Variants in AGO3 observed in about 807,000 individuals in gnomAD.
The protein encoded by AGO3 is argonaute RISC catalytic component 3.
A neutral mutation model predicts 105.5 loss-of-function variants in AGO3; 16 were observed. The observed-to-expected ratio is 0.15, with a 90% CI of 0.10 to 0.23. AGO3 has a LOEUF of 0.23. Among genes scored for constraint, AGO3 ranks in the 10% least tolerant of loss-of-function variants. The probability of loss-of-function intolerance (pLI) is 1.00; values close to 1 mark genes in which losing one functional copy is unlikely to be tolerated. For synonymous variants in AGO3, 340 were observed against 367.3 expected, an observed-to-expected ratio of 0.93 and a Z score of 0.85; for missense variants, 534 against 1,088.0, an observed-to-expected ratio of 0.49 and a Z score of 7.16.
intron 2 of AGO3, among the ~76,000 whole-genome samples, chr1:35,955,590 CTT>C (rs748373778): frequency 2.4e-4 from 34 of 139,176 alleles, no homozygotes; most frequent in Admixed American, 2.2e-4. Context: ...ACACTGTTAA[CTT>C]TTTTTTTTTT....
At position 36,029,395 on chromosome 1, in the gene AGO3, T is replaced by C. The variant is rs188354831; in HGVS notation, c.1591+2097T>C. On this transcript the variant is annotated intron_variant, in intron 12 of 18. Coordinates refer to ENST00000373191, the MANE Select transcript of AGO3 (RefSeq NM_024852.4). ...CATTAAATTTTCTCTTTCTTTCTTTTTTTTTTTTTTTTTTTTTGAGAGAGA... is the reference window on the plus strand; with the variant it reads ...CATTAAATTTTCTCTTTCTTTCTTTCTTTTTTTTTTTTTTTTTGAGAGAGA... 7.2e-3 allele frequency among the ~76,000 whole-genome samples: 1,035 copies of C among 143,512 alleles called. 2 individuals carry two copies. Among genetic ancestry groups the C allele is most frequent in the Non-Finnish European group, 0.011 (725 of 65,346 alleles). The allele number at this position is 143,512 out of a possible 152,430, so 94.1% of individuals were successfully genotyped here.
chr1:36,049,389 G>A (rs927704088), intron 17 of AGO3, among the ~76,000 whole-genome samples: 1 of 151,830 alleles, frequency 6.6e-6, no homozygotes, highest in Non-Finnish European at 1.5e-5. Context: ...ATGGTGGCAC[G>A]CACCTGTAGT....
chr1:35,990,210 G>A (rs1451060973), intron 5 of AGO3, among the ~76,000 whole-genome samples: 4 of 152,068 alleles, frequency 2.6e-5, no homozygotes, highest in Non-Finnish European at 4.4e-5. Flanking sequence ...AGACACATTA[G>A]TTAAATTTAT....
chr1:35,978,177 T>A (rs682686), intron 5 of AGO3, among the ~76,000 whole-genome samples: 35,990 of 152,054 alleles, frequency 0.24, 7,033 homozygotes, highest in East Asian at 0.69. Context: ...TTTCTAGAGA[T>A]GTAAGGTACC....
intron 5 of AGO3, among the ~76,000 whole-genome samples, chr1:35,977,747 A>G (rs959395806): frequency 1.3e-5 from 2 of 151,620 alleles, no homozygotes; most frequent in Non-Finnish European, 2.9e-5. Flanking sequence ...CCAGTCTGTT[A>G]TTTTGCATAT....
At chr1:35,993,067 A>G (rs1224602138) in intron 5 of AGO3, among the ~76,000 whole-genome samples, 2 of 152,226 alleles carry the variant, frequency 1.3e-5, no homozygotes, top group East Asian at 1.9e-4. Context: ...AAGACCTAGC[A>G]TTGAAAGTTA....
At position 36,039,547 on chromosome 1, in the gene AGO3, A is replaced by G. The variant is rs183201130; in HGVS notation, c.1843-243A>G. On this transcript the variant is annotated intron_variant, in intron 14 of 18. Coordinates refer to ENST00000373191, the MANE Select transcript of AGO3 (RefSeq NM_024852.4). The stretch of plus-strand genomic sequence containing the variant: ...AAAGAGAGAGAGATGGGGTCTTGCT[A>G]TTTTGCCCAGGCTGGCCTTAAATTC... 2.8e-4 allele frequency among the ~76,000 whole-genome samples: 42 copies of G among 149,332 alleles called. No homozygotes were observed. The East Asian group carries it at 8.4e-3, about 30-fold the overall frequency.
intron 11 of AGO3, among the ~76,000 whole-genome samples, chr1:36,025,188 T>G (rs181003358): frequency 6.6e-5 from 10 of 152,360 alleles, no homozygotes; most frequent in African/African-American, 2.4e-4. Context: ...TTGCCTTGCC[T>G]TCTTCATGGC....
rs1173552501 is a variant in AGO3, at chr1:36,058,827, A to G, written c.*3082A>G. The G allele has an allele frequency of 6.6e-6, 1 of 152,176 alleles. No homozygotes were observed. Among genetic ancestry groups the G allele is most frequent in the Non-Finnish European group, 1.5e-5 (1 of 68,020 alleles). 9.4% of individuals were successfully genotyped at this position (152,176 alleles called of 1,614,324 possible). A position where few individuals can be genotyped will look rare whatever the true frequency, so the allele number is the denominator to read the frequency against. Reference sequence around the variant, plus strand: ...TCTCCTCCAGAAAAATTTCCTATAAAGATGGATTTTTTTACACTGAAATTT... The same window carrying G: ...TCTCCTCCAGAAAAATTTCCTATAAGGATGGATTTTTTTACACTGAAATTT... On this transcript the variant is annotated 3_prime_UTR_variant, in exon 19 of 19. Transcript: ENST00000373191.
At chr1:35,949,204 A>G (rs1481752980) in intron 2 of AGO3, among the ~76,000 whole-genome samples, 1 of 152,184 alleles carries the variant, frequency 6.6e-6, no homozygotes, top group African/African-American at 2.4e-5. Flanking sequence ...CGGCCTCCCA[A>G]AGTGCTGGGA....
At chr1:36,031,326 C>A (rs540959450) in intron 12 of AGO3, among the ~76,000 whole-genome samples, 29 of 152,090 alleles carry the variant, frequency 1.9e-4, no homozygotes, top group Non-Finnish European at 3.4e-4. Flanking sequence ...ACAGGCATGA[C>A]CCACACTGTA....
rs776490650 is a variant in AGO3, at chr1:36,067,825, C to CA, written c.*12094dup. ...TGGGTGGCAGAGTGAGACTCCGTCT[C>CA]AAAAAAAAAAAAAAGAAGGAATAGG... On this transcript the variant is annotated 3_prime_UTR_variant, in exon 19 of 19. Transcript: ENST00000373191. 665 of 91,404 alleles carry CA rather than the reference C, an allele frequency of 7.3e-3. 5 individuals are homozygous for CA. Among genetic ancestry groups the CA allele is most frequent in the African/African-American group, 0.015 (352 of 23,806 alleles). 5.7% of individuals were successfully genotyped at this position (91,404 alleles called of 1,614,324 possible). A position where few individuals can be genotyped will look rare whatever the true frequency, so the allele number is the denominator to read the frequency against.
intron 11 of AGO3, among the ~76,000 whole-genome samples, chr1:36,018,207 C>T (rs1280987566): frequency 2.0e-5 from 3 of 151,922 alleles, no homozygotes; most frequent in East Asian, 2.0e-4. Flanking sequence ...CTCTTGACCT[C>T]GTGATCTGCC....
At chr1:35,997,652 G>A (rs1312396163) in intron 5 of AGO3, among the ~76,000 whole-genome samples, 1 of 152,160 alleles carries the variant, frequency 6.6e-6, no homozygotes, top group East Asian at 1.9e-4. Flanking sequence ...AAATTATGAT[G>A]TGTTTATTAG....
intron 13 of AGO3, among the ~76,000 whole-genome samples, chr1:36,035,886 A>C (rs1172228387): frequency 6.6e-6 from 1 of 151,930 alleles, no homozygotes; most frequent in African/African-American, 2.4e-5. Flanking sequence ...ACAAAAAATT[A>C]GCCGGGTGTG....
intron 3 of AGO3, 80 bp downstream of exon 3, chr1:35,967,155 C>A: frequency 6.7e-7 from 1 of 1,485,154 alleles, no homozygotes; most frequent in Non-Finnish European, 9.1e-7. Context: ...ATTTTTATTA[C>A]AGTCCATATA....
At chr1:35,992,724 T>A (rs1406387882) in intron 5 of AGO3, among the ~76,000 whole-genome samples, 2 of 152,250 alleles carry the variant, frequency 1.3e-5, no homozygotes, top group African/African-American at 4.8e-5. Context: ...AGTCTTATTT[T>A]ATGTCTGTGT....
At position 36,019,074 on chromosome 1, in the gene AGO3, G is replaced by A. The variant is rs143237239; in HGVS notation, c.1406+5026G>A. Reference sequence around the variant, plus strand: ...GTTTCGCTGCAGTGTGGGTGACAAGGGGAGTCTTTCTCTGATGTGTTTCCA... The same window carrying A: ...GTTTCGCTGCAGTGTGGGTGACAAGAGGAGTCTTTCTCTGATGTGTTTCCA... On this transcript the variant is annotated intron_variant, in intron 11 of 18. Coordinates refer to ENST00000373191, the MANE Select transcript of AGO3 (RefSeq NM_024852.4). Among the ~76,000 whole-genome samples the A allele has an allele frequency of 6.0e-4, 92 of 152,108 alleles. 1 individual carries two copies. In the Middle Eastern group the frequency reaches 0.01, roughly 17 times the overall value.
intron 17 of AGO3, among the ~76,000 whole-genome samples, chr1:36,045,281 G>T (rs543901640): frequency 2.0e-5 from 3 of 152,042 alleles, no homozygotes; most frequent in Admixed American, 6.6e-5. Context: ...GAGTACAGTA[G>T]TGTGATCTTG....
Sources: gnomAD v4.1 joint callset for allele counts (sites outside exome capture counted in the v4.1 genomes callset) on GRCh38, gnomAD v4.1.1 for gene constraint, MANE v1.5 for transcripts, NCBI Gene and HGNC (gene_info 2026-07-23, HGNC 2026-07-21) for gene names.